Variants in RBFOX1 observed in about 807,000 individuals in gnomAD.
The protein encoded by RBFOX1 is RNA binding protein fox-1 homolog 1.
A neutral mutation model predicts 57.7 loss-of-function variants in RBFOX1; 8 were observed. That is an observed-to-expected ratio of 0.14 (90% CI 0.08 to 0.25). The LOEUF is 0.25. Among genes scored for constraint, RBFOX1 ranks in the 10% least tolerant of loss-of-function variants. The probability of loss-of-function intolerance (pLI) is 1.00; values close to 1 mark genes in which losing one functional copy is unlikely to be tolerated. For synonymous variants in RBFOX1, 326 were observed against 222.4 expected, an observed-to-expected ratio of 1.47 and a Z score of -4.15; for missense variants, 611 against 548.5, an observed-to-expected ratio of 1.11 and a Z score of -1.14.
At chr16:6,069,418 G>C (rs1006729955) in intron 1 of RBFOX1, among the ~76,000 whole-genome samples, 1 of 147,722 alleles carries the variant, frequency 6.8e-6, no homozygotes, top group East Asian at 2.0e-4. Context: ...AAAAAAAAAG[G>C]GAGGGGATAA....
chr16:5,758,676 T>C (rs1050013036), intron 3 of RBFOX1, among the ~76,000 whole-genome samples: 2 of 152,176 alleles, frequency 1.3e-5, no homozygotes, highest in African/African-American at 4.8e-5. Context: ...TGATCACTAA[T>C]AAAGAAATGA....
intron 1 of RBFOX1, among the ~76,000 whole-genome samples, chr16:5,381,963 G>T (rs913494747): frequency 2.6e-5 from 4 of 152,146 alleles, no homozygotes; most frequent in East Asian, 3.9e-4. Context: ...AGCTTTTGTG[G>T]CATTCCTGTC....
intron 4 of RBFOX1, among the ~76,000 whole-genome samples, chr16:5,923,530 C>CTTTTTTTTTTTT (rs71404564): frequency 2.7e-5 from 3 of 109,374 alleles, no homozygotes; most frequent in Non-Finnish European, 3.6e-5. Flanking sequence ...CAGAGCCAGG[C>CTTTTTTTTTTTT]TTTTTTTTTT....
chr16:5,980,865 G>A (rs2060158225), intron 4 of RBFOX1, among the ~76,000 whole-genome samples: 1 of 150,790 alleles, frequency 6.6e-6, no homozygotes, highest in South Asian at 2.1e-4. Context: ...CTGTCGTCCT[G>A]CCATTTCACA....
Position 7,712,416 on chromosome 16 carries a change from T to A in RBFOX1, c.*1671T>A, listed in dbSNP as rs2084135160. 6.6e-6 allele frequency: 1 copy of A among 152,642 alleles called. No homozygotes were observed. The highest frequency in any genetic ancestry group is 2.4e-5 in the African/African-American group (1 of 41,450). 9.5% of individuals were successfully genotyped at this position (152,642 alleles called of 1,614,324 possible). A position where few individuals can be genotyped will look rare whatever the true frequency, so the allele number is the denominator to read the frequency against. On this transcript the variant is annotated 3_prime_UTR_variant, in exon 16 of 16. Transcript: ENST00000550418. ...CAAAACTTTAAAAAAAAATGTGTGA[T>A]CCAGCTTTCTCTTGCCATCCTATGT... is the stretch of plus-strand genomic sequence containing the variant.
rs140218618 is a variant in RBFOX1, at chr16:6,560,724, G to A, written c.-63-93879G>A. 1.3e-3 allele frequency among the ~76,000 whole-genome samples: 203 copies of A among 152,304 alleles called. 1 individual carries two copies. The highest frequency in any genetic ancestry group is 2.2e-3 in the Non-Finnish European group (153 of 68,022). On this transcript the variant is annotated intron_variant, in intron 2 of 15. Coordinates refer to ENST00000550418, the MANE Select transcript of RBFOX1 (RefSeq NM_018723.4). Reference sequence around the variant, plus strand: ...AAAATTGATTATGAGGGCGCTTAATGCAGTTTATAGCTGTGTACTTGTGTG... The same window carrying A: ...AAAATTGATTATGAGGGCGCTTAATACAGTTTATAGCTGTGTACTTGTGTG...
chr16:6,389,602 C>G (rs566767062), intron 2 of RBFOX1, among the ~76,000 whole-genome samples: 30 of 152,202 alleles, frequency 2.0e-4, no homozygotes, highest in Non-Finnish European at 3.4e-4. Flanking sequence ...ATGTCTCTAC[C>G]TAAACTATGG....
At chr16:7,190,199 A>G (rs967580207) in intron 4 of RBFOX1, among the ~76,000 whole-genome samples, 3 of 152,078 alleles carry the variant, frequency 2.0e-5, no homozygotes, top group South Asian at 2.1e-4. Context: ...CGTCTCTACT[A>G]AAAATACAGA....
chr16:7,509,397 TG>T (rs1413406568), intron 4 of RBFOX1, among the ~76,000 whole-genome samples: 2 of 21,116 alleles, frequency 9.5e-5, no homozygotes, highest in Non-Finnish European at 6.4e-4. Flanking sequence ...GCCCTGTGTG[TG>T]TGTGTGTGTG....
chr16:7,252,196 G>A (rs2094521702), intron 4 of RBFOX1, among the ~76,000 whole-genome samples: 1 of 152,212 alleles, frequency 6.6e-6, no homozygotes, highest in African/African-American at 2.4e-5. Flanking sequence ...GAAGGAGCTG[G>A]TTCTCCTTTG....
intron 4 of RBFOX1, among the ~76,000 whole-genome samples, chr16:7,234,777 G>T (rs1049684331): frequency 7.9e-5 from 12 of 151,698 alleles, no homozygotes; most frequent in Non-Finnish European, 1.8e-4. Context: ...ATGGGTAATA[G>T]ACTACATTCA....
chr16:7,189,857 G>C (rs771405375), intron 4 of RBFOX1, among the ~76,000 whole-genome samples: 1 of 152,040 alleles, frequency 6.6e-6, no homozygotes, highest in Non-Finnish European at 1.5e-5. Flanking sequence ...CATCTTGATC[G>C]CCTTTATGTC....
chr16:7,528,439 C>A lies in RBFOX1; in HGVS notation c.270+10050C>A, dbSNP rs115550903. 3.4e-3 allele frequency among the ~76,000 whole-genome samples: 517 copies of A among 152,250 alleles called. 3 individuals are homozygous for A. Among genetic ancestry groups the A allele is most frequent in the African/African-American group, 0.011 (449 of 41,536 alleles). ...TGTAAGTGTTTGAAGGACCTAATTC[C>A]CTCTGCATAGCTGATTGCCCCATTA... is the stretch of plus-strand genomic sequence containing the variant. On this transcript the variant is annotated intron_variant, in intron 5 of 15. Coordinates refer to ENST00000550418, the MANE Select transcript of RBFOX1 (RefSeq NM_018723.4).
At chr16:6,799,706 T>C (rs987074818) in intron 3 of RBFOX1, among the ~76,000 whole-genome samples, 2 of 152,132 alleles carry the variant, frequency 1.3e-5, no homozygotes, top group Admixed American at 1.3e-4. Flanking sequence ...CTTCCACCTT[T>C]CGTCTTTCTC....
chr16:6,928,430 G>C (rs1189856991), intron 3 of RBFOX1, among the ~76,000 whole-genome samples: 1 of 152,150 alleles, frequency 6.6e-6, no homozygotes, highest in African/African-American at 2.4e-5. Context: ...GAAGGGGTGA[G>C]CTGGCAGCCA....
At chr16:6,655,945 G>T (rs1247979260) in intron 3 of RBFOX1, among the ~76,000 whole-genome samples, 2 of 152,162 alleles carry the variant, frequency 1.3e-5, no homozygotes, top group African/African-American at 4.8e-5. Flanking sequence ...TTATTTTAGG[G>T]AGTGTTAATC....
At chr16:6,389,783 G>A (rs1032856915) in intron 2 of RBFOX1, among the ~76,000 whole-genome samples, 8 of 152,178 alleles carry the variant, frequency 5.3e-5, no homozygotes, top group African/African-American at 1.9e-4. Flanking sequence ...AAGACATGAG[G>A]CTGTACCCAG....
chr16:7,149,351 C>T (rs868356389), intron 4 of RBFOX1, among the ~76,000 whole-genome samples: 2 of 152,074 alleles, frequency 1.3e-5, no homozygotes, highest in Non-Finnish European at 2.9e-5. Context: ...TTTTATCTCT[C>T]AATAATCATA....
At chr16:7,539,565 C>G (rs1427938984) in intron 5 of RBFOX1, among the ~76,000 whole-genome samples, 1 of 152,128 alleles carries the variant, frequency 6.6e-6, no homozygotes, top group Non-Finnish European at 1.5e-5. Context: ...ATGGGATCAC[C>G]CAAAGTAACA....
Sources: gnomAD v4.1 joint callset for allele counts (sites outside exome capture counted in the v4.1 genomes callset) on GRCh38, gnomAD v4.1.1 for gene constraint, MANE v1.5 for transcripts, NCBI Gene and HGNC (gene_info 2026-07-23, HGNC 2026-07-21) for gene names.